Variants in DDHD1 observed in about 807,000 individuals in gnomAD.
DDHD1 encodes DDHD domain containing 1.
DDHD1 carries 49 observed loss-of-function variants against 96.4 expected under a neutral mutation model. The ratio of observed to expected loss-of-function variants is 0.51; its 90% CI spans 0.40 to 0.64. DDHD1 has a LOEUF of 0.64. Among genes scored for constraint, DDHD1 ranks in the 30% least tolerant of loss-of-function variants. The pLI, the probability that DDHD1 is intolerant of heterozygous loss-of-function variation, is 0.00. For synonymous variants in DDHD1, 442 were observed against 446.5 expected, an observed-to-expected ratio of 0.99 and a Z score of 0.13; for missense variants, 1,106 against 1,161.2, an observed-to-expected ratio of 0.95 and a Z score of 0.69.
rs142535037 is a variant in DDHD1 at position 53,138,690 on chromosome 14, G to A, written c.838+13571C>T. Among the ~76,000 whole-genome samples, 147 of 152,204 alleles carry A rather than the reference G, an allele frequency of 9.7e-4. 3 individuals are homozygous for A. Among genetic ancestry groups the A allele is most frequent in the African/African-American group, 3.4e-3 (140 of 41,538 alleles). On this transcript the variant is annotated intron_variant, in intron 1 of 12. Transcript: ENST00000673822. ...CTTACTTAGGGGGAAGACATCAGAT[G>A]CCATACAAGCCAGTAAAAAGATTTC...
At chr14:53,102,877 G>A (rs1026093837) in intron 2 of DDHD1, among the ~76,000 whole-genome samples, 3 of 151,394 alleles carry the variant, frequency 2.0e-5, no homozygotes, top group African/African-American at 7.3e-5. Flanking sequence ...AGGAGGGGAA[G>A]GGAAAAAATC....
At position 53,152,843 on chromosome 14, in the gene DDHD1, C is replaced by CA. The variant is rs762566795; in HGVS notation, c.255dup (p.Asp86Ter). The CA allele has an allele frequency of 1.9e-6, 3 of 1,612,126 alleles. No homozygotes were observed. The highest frequency in any genetic ancestry group is 2.5e-6 in the Non-Finnish European group (3 of 1,179,402). On this transcript the variant is annotated frameshift_variant, in exon 1 of 13. Transcript: ENST00000673822. LOFTEE classifies it high-confidence loss of function. ...GCGGAGCTGAAGTCATAGTTCTCGT[C>CA]ACTGAGGCAGGGGTCCAGCGCGAGG...
chr14:53,133,378 T>TA (rs1890011499), intron 1 of DDHD1, among the ~76,000 whole-genome samples: 1 of 152,224 alleles, frequency 6.6e-6, no homozygotes, highest in African/African-American at 2.4e-5. Flanking sequence ...CTCTCAGACA[T>TA]ACTTCCTCGG....
intron 7 of DDHD1, among the ~76,000 whole-genome samples, chr14:53,062,420 A>G (rs1409905706): frequency 5.9e-5 from 9 of 152,128 alleles, no homozygotes; most frequent in African/African-American, 1.9e-4. Flanking sequence ...AATGCAGCAA[A>G]GAATTAAAAG....
chr14:53,116,202 C>T (rs10140668), intron 1 of DDHD1, among the ~76,000 whole-genome samples: 111,070 of 152,126 alleles, frequency 0.73, 43,452 homozygotes, highest in East Asian at 0.96. Flanking sequence ...ACACCCAATA[C>T]GGGAGCACCC....
At position 53,076,646 on chromosome 14, in the gene DDHD1, G is replaced by T. The variant is rs182323262; in HGVS notation, c.1290-2799C>A. On this transcript the variant is annotated intron_variant, in intron 4 of 12. Transcript: ENST00000673822. The stretch of plus-strand genomic sequence containing the variant: ...CTCAAACTGCATTGCATGTTACAGA[G>T]AAATCTTTCGTGAGAGGAAGAATCA... Among the ~76,000 whole-genome samples, 10 of 152,282 alleles carry T rather than the reference G, an allele frequency of 6.6e-5. No homozygotes were observed. In the East Asian group the frequency reaches 1.9e-3, roughly 29 times the overall value.
At chr14:53,133,414 C>G (rs1890013564) in intron 1 of DDHD1, among the ~76,000 whole-genome samples, 1 of 152,202 alleles carries the variant, frequency 6.6e-6, no homozygotes, top group African/African-American at 2.4e-5. Context: ...TCTATACAAT[C>G]TGATAACAGA....
chr14:53,093,026 G>C (rs191740990), intron 3 of DDHD1: 14 of 193,120 alleles, frequency 7.2e-5, no homozygotes, highest in Admixed American at 1.9e-4. Context: ...CATCTTCCTT[G>C]ACACTATATT....
rs114536524 is a variant in DDHD1, at chr14:53,144,436, G to A, written c.838+7825C>T. Among the ~76,000 whole-genome samples the A allele has an allele frequency of 5.7e-3, 864 of 152,344 alleles. 6 individuals carry two copies. Among genetic ancestry groups the A allele is most frequent in the African/African-American group, 0.02 (833 of 41,574 alleles). ...CCACATTGGAAGAATATGAGTCACT[G>A]AAAGTGCTTCAGCAACCACACTGTG... On this transcript the variant is annotated intron_variant, in intron 1 of 12. Transcript: ENST00000673822.
chr14:53,072,274 T>C (rs750331584), intron 6 of DDHD1, among the ~76,000 whole-genome samples: 3 of 152,060 alleles, frequency 2.0e-5, no homozygotes, highest in Non-Finnish European at 2.9e-5. Flanking sequence ...GTCCATCACA[T>C]ACAAAAAGTT....
At chr14:53,104,956 A>T (rs904514936) in intron 1 of DDHD1, among the ~76,000 whole-genome samples, 1 of 151,986 alleles carries the variant, frequency 6.6e-6, no homozygotes, top group African/African-American at 2.4e-5. Flanking sequence ...AACATCTTAA[A>T]CCTTTTGCAA....
At chr14:53,096,362 A>C (rs551262102) in intron 2 of DDHD1, 1 of 196,692 alleles carries the variant, frequency 5.1e-6, no homozygotes, top group Non-Finnish European at 9.2e-6. Context: ...ATTTCTAAGA[A>C]TCAGTAAAGC....
chr14:53,095,171 G>C (rs1475001634), intron 2 of DDHD1, among the ~76,000 whole-genome samples: 1 of 152,116 alleles, frequency 6.6e-6, no homozygotes, highest in African/African-American at 2.4e-5. Flanking sequence ...ATATAGGTAG[G>C]AAAAATTAAC....
At chr14:53,084,112 G>C (rs1354882103) in intron 4 of DDHD1, among the ~76,000 whole-genome samples, 4 of 152,162 alleles carry the variant, frequency 2.6e-5, no homozygotes, top group Non-Finnish European at 4.4e-5. Context: ...AACATCATTA[G>C]TCACTAGCTA....
intron 6 of DDHD1, among the ~76,000 whole-genome samples, chr14:53,063,590 G>A (rs891466159): frequency 7.9e-5 from 12 of 151,442 alleles, no homozygotes; most frequent in African/African-American, 2.9e-4. Flanking sequence ...CTAAATTTTT[G>A]TACCTTGTAG....
chr14:53,152,466 G>A lies in DDHD1; in HGVS notation c.633C>T (p.Asp211=), dbSNP rs759996063. 1 of 1,613,008 alleles carries A rather than the reference G, an allele frequency of 6.2e-7. No homozygotes were observed. The highest frequency in any genetic ancestry group is 1.1e-5 in the South Asian group (1 of 91,030). Reference sequence around the variant, plus strand: ...CCGTGGGGGAGCACACATGGTCGCCGTCCCGGTCCCCGCCCTGGGGCCGGG... The same window carrying A: ...CCGTGGGGGAGCACACATGGTCGCCATCCCGGTCCCCGCCCTGGGGCCGGG... ...TGARPQGGDR[D]GDHVCSPTGP... is the part of the protein sequence containing the mutation. Residue 211 remains aspartate (D), a synonymous_variant, in exon 1 of 13, where the codon GAC becomes GAT. Transcript: ENST00000673822.
intron 6 of DDHD1, among the ~76,000 whole-genome samples, chr14:53,064,746 T>C (rs1307113241): frequency 2.0e-5 from 3 of 152,136 alleles, no homozygotes; most frequent in African/African-American, 7.2e-5. Flanking sequence ...GACAGCATTT[T>C]CTTTTTCTAT....
At chr14:53,143,707 C>T (rs149905466) in intron 1 of DDHD1, among the ~76,000 whole-genome samples, 1,533 of 152,322 alleles carry the variant, frequency 0.01, 31 homozygotes, top group African/African-American at 0.035. Context: ...CAGGCTATGA[C>T]TTAATGCTTG....
chr14:53,042,089 G>A lies in DDHD1; in HGVS notation c.*4679C>T, dbSNP rs1383050785. On this transcript the variant is annotated 3_prime_UTR_variant, in exon 13 of 13. Transcript: ENST00000673822. ...CTTACAAAATGAAGGAATCACATGA[G>A]GAGGTGAAACTGTAAAACGAAGGAA... 1 of 152,196 alleles carries A rather than the reference G, an allele frequency of 6.6e-6. No individual in the cohort carries two copies. The highest frequency in any genetic ancestry group is 2.4e-5 in the African/African-American group (1 of 41,448). 9.4% of individuals were successfully genotyped at this position (152,196 alleles called of 1,614,324 possible). A position where few individuals can be genotyped will look rare whatever the true frequency, so the allele number is the denominator to read the frequency against.
Sources: gnomAD v4.1 joint callset for allele counts (sites outside exome capture counted in the v4.1 genomes callset) on GRCh38, gnomAD v4.1.1 for gene constraint, MANE v1.5 for transcripts, NCBI Gene and HGNC (gene_info 2026-07-23, HGNC 2026-07-21) for gene names.